ROS1: variants seen among roughly 807,000 people sequenced by gnomAD.
The protein encoded by ROS1 is proto-oncogene tyrosine-protein kinase ROS.
In ROS1, 263 loss-of-function variants were observed where a neutral mutation model predicts 273.5. The ratio of observed to expected loss-of-function variants is 0.96; its 90% confidence interval spans 0.87 to 1.06. The LOEUF is 1.06. Ranked by LOEUF, ROS1 falls within the 50% of genes least tolerant of loss-of-function variation. ROS1 has a pLI of 0.00. For missense variants in ROS1, 2,833 were observed against 2,751.1 expected (o/e 1.03, Z -0.67); for synonymous variants, 1,008 against 954.1 (o/e 1.06, Z -1.04).
At chr6:117,407,526 C>T (rs1236912345) in intron 5 of ROS1, among the ~76,000 whole-genome samples, 1 of 152,042 alleles carries the variant, frequency 6.6e-6, no homozygotes, top group Non-Finnish European at 1.5e-5. Flanking sequence ...ATTTCTAGAG[C>T]CTTTTGGGGA....
At chr6:117,303,568 T>G (rs923601097) in intron 42 of ROS1, among the ~76,000 whole-genome samples, 6 of 152,074 alleles carry the variant, frequency 3.9e-5, no homozygotes, top group Non-Finnish European at 8.8e-5. Context: ...GTGTGGTCAT[T>G]GAGGGGAAAG....
At chr6:117,415,673 A>G (rs1307883100) in intron 3 of ROS1, among the ~76,000 whole-genome samples, 1 of 152,250 alleles carries the variant, frequency 6.6e-6, no homozygotes, top group Non-Finnish European at 1.5e-5. Context: ...AAAATGAAAA[A>G]TAAAGTATCT....
intron 3 of ROS1, among the ~76,000 whole-genome samples, chr6:117,415,020 C>T (rs369656963): frequency 6.6e-6 from 1 of 152,236 alleles, no homozygotes; most frequent in East Asian, 1.9e-4. Flanking sequence ...CAAATGTTGA[C>T]TGAGCAGCTG....
In ROS1 at chr6:117,344,279, C is replaced by T. The variant is rs1345966905; in HGVS notation, c.4304-17G>A. The stretch of plus-strand genomic sequence containing the variant: ...ACGCTTTATCTAAAATAAGAAGAAA[C>T]CAAAAGATTAAATATCTATACTATA... On this transcript the variant is annotated splice_polypyrimidine_tract_variant and intron_variant, in intron 27 of 43. Coordinates refer to ENST00000368507, the MANE Select transcript of ROS1 (RefSeq NM_001378902.1). The T allele has an allele frequency of 6.3e-7, 1 of 1,584,344 alleles. No homozygotes were observed. Among genetic ancestry groups the T allele is most frequent in the South Asian group, 1.1e-5 (1 of 90,208 alleles).
intron 11 of ROS1, among the ~76,000 whole-genome samples, 158 bp from the exon 12 acceptor site, chr6:117,393,479 T>G (rs1773237891): frequency 6.6e-6 from 1 of 152,172 alleles, no homozygotes; most frequent in African/African-American, 2.4e-5. Context: ...AAACGACAGT[T>G]TTATATCCTA....
chr6:117,331,341 A>C (rs909905970), intron 32 of ROS1, among the ~76,000 whole-genome samples: 3 of 152,230 alleles, frequency 2.0e-5, no homozygotes, highest in Middle Eastern at 3.2e-3. Context: ...ATGAGACTTC[A>C]TAAAAAGACT....
chr6:117,380,959 G>A (rs1049361826), intron 17 of ROS1, among the ~76,000 whole-genome samples: 13 of 151,774 alleles, frequency 8.6e-5, no homozygotes, highest in Admixed American at 2.0e-4. Context: ...TCATTATGTC[G>A]GCTGATTGCA....
chr6:117,341,005 T>C, intron 31 of ROS1, 130 bp downstream of exon 31: 1 of 634,242 alleles, frequency 1.6e-6, no homozygotes, highest in Admixed American at 3.2e-5. Context: ...TGCTTCTGCA[T>C]GCCAAACATA....
chr6:117,329,195 G>T (rs188350042), intron 33 of ROS1, 134 bp downstream of exon 33: 1 of 619,052 alleles, frequency 1.6e-6, no homozygotes, highest in Non-Finnish European at 2.9e-6. Flanking sequence ...ACGTAATGAT[G>T]CATGTGAGTC....
chr6:117,309,703 T>C (rs926068298), intron 41 of ROS1, among the ~76,000 whole-genome samples: 2 of 152,112 alleles, frequency 1.3e-5, no homozygotes, highest in African/African-American at 4.8e-5. Flanking sequence ...TACTTTTAAA[T>C]CCATGATTTA....
Position 117,321,316 on chromosome 6 carries a change from GC to G in ROS1, c.5701del (p.Ala1901LeufsTer10). 6.2e-7 allele frequency: 1 copy of G among 1,613,682 alleles called. No individual in the cohort carries two copies. The highest frequency in any genetic ancestry group is 8.5e-7 in the Non-Finnish European group (1 of 1,179,810). On this transcript the variant is annotated frameshift_variant, in exon 36 of 44. Coordinates refer to ENST00000368507, the MANE Select transcript of ROS1 (RefSeq NM_001378902.1). LOFTEE classifies it high-confidence loss of function. ...TVLINEDKELAELRGLAAGVG... is the reference protein window; with the variant it reads ...TVLINEDKELXELRGLAAGVG... ...TCCGGCTGCCAGACCTCGCAGCTCA[GC>G]CAACTCTTTGTCTTCGTTTATAAGC...
At chr6:117,358,152 G>A in intron 24 of ROS1, 143 bp from the exon 25 acceptor site, 1 of 601,098 alleles carries the variant, frequency 1.7e-6, no homozygotes, top group Non-Finnish European at 2.9e-6. Flanking sequence ...GTATACCATT[G>A]TAACATGGGC....
At chr6:117,323,462 C>G (rs745891893) in intron 35 of ROS1, among the ~76,000 whole-genome samples, 2 of 152,074 alleles carry the variant, frequency 1.3e-5, no homozygotes, top group African/African-American at 2.4e-5. Flanking sequence ...TTTGAGTGTT[C>G]TTTTCTGGTA....
At chr6:117,385,007 T>G (rs906799067) in intron 16 of ROS1, among the ~76,000 whole-genome samples, 1 of 152,196 alleles carries the variant, frequency 6.6e-6, no homozygotes, top group Non-Finnish European at 1.5e-5. Flanking sequence ...CCTAGACTTA[T>G]GTCTTCGCAC....
Position 117,379,143 on chromosome 6 carries a change from A to C in ROS1, c.2498T>G (p.Leu833Ter). ...FSGKKVIALT[L>*]DLSDGLLYWL... is the part of the protein sequence containing the mutation. ...ATACAGGAGCCCATCACTGAGGTCT[A>C]AAGTTAGAGCAATTACCTAAGTAGA... Residue 833 changes from leucine to a stop codon, truncating the protein, a stop_gained, in exon 18 of 44, where the codon TTA becomes TGA. Coordinates refer to ENST00000368507, the MANE Select transcript of ROS1 (RefSeq NM_001378902.1). LOFTEE classifies it high-confidence loss of function. The C allele has an allele frequency of 1.9e-6, 3 of 1,610,462 alleles. No homozygotes were observed. The highest frequency in any genetic ancestry group is 1.7e-6 in the Non-Finnish European group (2 of 1,176,888).
rs934701266 is a variant in ROS1, at chr6:117,326,423, A to C, written c.5349-9T>G. On this transcript the variant is annotated splice_polypyrimidine_tract_variant and intron_variant, in intron 33 of 43. Transcript: ENST00000368507. ...TATTTGAAGTGCTCTTTCTGCAAAAAATAATAAATACAGAAAATATACATG... is the reference window on the plus strand; with the variant it reads ...TATTTGAAGTGCTCTTTCTGCAAAACATAATAAATACAGAAAATATACATG... The C allele has an allele frequency of 9.5e-6, 14 of 1,467,546 alleles. No individual in the cohort carries two copies. Among genetic ancestry groups the C allele is most frequent in the Non-Finnish European group, 1.3e-5 (14 of 1,090,224 alleles). 90.9% of individuals were successfully genotyped at this position (1,467,546 alleles called of 1,614,324 possible).
chr6:117,392,393 G>A (rs1358269375), intron 12 of ROS1, among the ~76,000 whole-genome samples: 4 of 151,666 alleles, frequency 2.6e-5, no homozygotes, highest in African/African-American at 9.7e-5. Flanking sequence ...ATTCCTACAG[G>A]AAAGAAAAAA....
chr6:117,307,893 C>T (rs1306633920), intron 42 of ROS1, among the ~76,000 whole-genome samples: 2 of 152,142 alleles, frequency 1.3e-5, no homozygotes, highest in African/African-American at 4.8e-5. Flanking sequence ...CTGTACCACA[C>T]AGTTTAGCAC....
intron 43 of ROS1, chr6:117,299,559 T>C (rs1423426698): frequency 1.3e-5 from 2 of 152,196 alleles, no homozygotes; most frequent in Admixed American, 1.3e-4. Context: ...TGCAAGTAGC[T>C]CTGCAAGCTC....
Sources: allele counts gnomAD v4.1 joint callset (sites outside exome capture counted in the v4.1 genomes callset), GRCh38; gene constraint gnomAD v4.1.1; transcripts MANE v1.5; gene names NCBI Gene and HGNC (gene_info 2026-07-23, HGNC 2026-07-21).